The following SHTN1 variants were observed in gnomAD, a reference collection of about 807,000 sequenced individuals.
SHTN1 encodes the protein shootin-1.
A neutral mutation model predicts 83.1 loss-of-function variants in SHTN1; 42 were observed. That is an observed-to-expected ratio of 0.51 (90% confidence interval 0.39 to 0.65). SHTN1 has a LOEUF of 0.65. Among genes scored for constraint, SHTN1 ranks in the 30% least tolerant of loss-of-function variants. The probability of loss-of-function intolerance (pLI) is 0.00; values close to 1 mark genes in which losing one functional copy is unlikely to be tolerated. For synonymous variants in SHTN1, 224 were observed against 247.7 expected, an observed-to-expected ratio of 0.90 and a Z score of 0.90; for missense variants, 622 against 737.8, an observed-to-expected ratio of 0.84 and a Z score of 1.82.
chr10:117,119,445 G>A (rs1490119983), intron 1 of SHTN1, among the ~76,000 whole-genome samples: 1 of 152,168 alleles, frequency 6.6e-6, no homozygotes, highest in African/African-American at 2.4e-5. Flanking sequence ...ATGAAAAGGT[G>A]CTCAACATCA....
chr10:116,991,864 G>A (rs534073812), intron 1 of SHTN1, among the ~76,000 whole-genome samples: 6 of 152,264 alleles, frequency 3.9e-5, no homozygotes, highest in East Asian at 1.9e-4. Context: ...ACTGCAGGCC[G>A]GGCACTATGG....
chr10:117,076,820 T>C (rs1853163408), intron 1 of SHTN1, among the ~76,000 whole-genome samples: 1 of 152,242 alleles, frequency 6.6e-6, no homozygotes, highest in Non-Finnish European at 1.5e-5. Flanking sequence ...CCTCTGAATT[T>C]ACACATTATC....
At chr10:117,092,974 G>A (rs1043173339) in intron 1 of SHTN1, among the ~76,000 whole-genome samples, 1 of 152,048 alleles carries the variant, frequency 6.6e-6, no homozygotes, top group Non-Finnish European at 1.5e-5. Flanking sequence ...AATTCTAAGG[G>A]CTTCACAATA....
At chr10:116,949,868 A>T (rs7074047) in intron 6 of SHTN1, among the ~76,000 whole-genome samples, 86,868 of 151,346 alleles carry the variant, frequency 0.57, 28,854 homozygotes, top group Middle Eastern at 0.75. Context: ...AAGTTTTTTT[A>T]AAAAAAAAGA....
At chr10:116,987,712 C>G (rs908289808) in intron 1 of SHTN1, among the ~76,000 whole-genome samples, 1 of 151,906 alleles carries the variant, frequency 6.6e-6, no homozygotes, top group East Asian at 1.9e-4. Flanking sequence ...GTCAGGAGAT[C>G]GAGACCATCA....
At chr10:117,089,750 C>CA (rs1175587836) in intron 1 of SHTN1, among the ~76,000 whole-genome samples, 1 of 151,778 alleles carries the variant, frequency 6.6e-6, no homozygotes, top group Non-Finnish European at 1.5e-5. Context: ...ACCACAGAAA[C>CA]AAACAAGCTG....
chr10:116,975,207 C>A (rs548044893), intron 2 of SHTN1, among the ~76,000 whole-genome samples: 1 of 152,206 alleles, frequency 6.6e-6, no homozygotes, highest in Non-Finnish European at 1.5e-5. Flanking sequence ...TGCTTATACT[C>A]TAATATTTTG....
At chr10:117,044,954 T>A (rs1852639834) in intron 2 of SHTN1, among the ~76,000 whole-genome samples, 2 of 152,212 alleles carry the variant, frequency 1.3e-5, no homozygotes, top group African/African-American at 4.8e-5. Context: ...GTTTAATATG[T>A]GCATATATAT....
intron 1 of SHTN1, among the ~76,000 whole-genome samples, chr10:116,984,552 C>T (rs1027535711): frequency 3.3e-5 from 5 of 152,124 alleles, no homozygotes; most frequent in Admixed American, 2.0e-4. Flanking sequence ...CTACCTAGTC[C>T]TCAAGCTACT....
chr10:117,077,459 T>G (rs1853177160), intron 1 of SHTN1, among the ~76,000 whole-genome samples: 1 of 152,128 alleles, frequency 6.6e-6, no homozygotes, highest in Admixed American at 6.5e-5. Context: ...AAAATCTTTT[T>G]TTTTTATTAG....
At chr10:117,041,491 T>C (rs1387357473) in intron 2 of SHTN1, among the ~76,000 whole-genome samples, 1 of 152,150 alleles carries the variant, frequency 6.6e-6, no homozygotes, top group Admixed American at 6.6e-5. Flanking sequence ...ACCTGCAACA[T>C]GTGTTTTCTT....
intron 8 of SHTN1, among the ~76,000 whole-genome samples, chr10:116,942,101 T>A (rs1419028941): frequency 6.6e-6 from 1 of 152,204 alleles, no homozygotes; most frequent in African/African-American, 2.4e-5. Flanking sequence ...AAGGGTGAGA[T>A]GCAGCTTCAG....
At position 116,967,918 on chromosome 10, in the gene SHTN1, T is replaced by G. The variant is rs183580547; in HGVS notation, c.172+734A>C. ...TGATGTACAGGCTGGGCGCAGTGGC[T>G]CCCGCCTGTAATTCCAGCACTTCGG... On this transcript the variant is annotated intron_variant, in intron 3 of 16. Transcript: ENST00000355371. Among the ~76,000 whole-genome samples the G allele has an allele frequency of 5.5e-3, 836 of 152,256 alleles. 6 individuals carry two copies. Among genetic ancestry groups the G allele is most frequent in the African/African-American group, 0.019 (772 of 41,552 alleles).
chr10:117,121,499 A>G (rs1853926415), intron 1 of SHTN1, among the ~76,000 whole-genome samples: 1 of 151,176 alleles, frequency 6.6e-6, no homozygotes, highest in African/African-American at 2.4e-5. Context: ...GAATTGCTTG[A>G]GCCCCAGAGA....
intron 9 of SHTN1, among the ~76,000 whole-genome samples, chr10:116,933,808 T>C (rs1186460943): frequency 1.3e-5 from 2 of 152,224 alleles, no homozygotes; most frequent in Non-Finnish European, 2.9e-5. Flanking sequence ...TTCCTATTTC[T>C]CCACATCTTC....
intron 1 of SHTN1, among the ~76,000 whole-genome samples, chr10:117,086,280 G>A (rs969684653): frequency 6.6e-6 from 1 of 152,286 alleles, no homozygotes; most frequent in Admixed American, 6.5e-5. Context: ...TTGACTAGTA[G>A]AGCACAGCAT....
intron 1 of SHTN1, among the ~76,000 whole-genome samples, chr10:117,004,511 T>A (rs984655415): frequency 2.3e-4 from 35 of 151,752 alleles, no homozygotes; most frequent in Admixed American, 3.9e-4. Context: ...AAAAAAAAAA[T>A]TATGGCCTGA....
chr10:116,938,127 G>A (rs933941528), intron 9 of SHTN1, among the ~76,000 whole-genome samples: 2 of 151,938 alleles, frequency 1.3e-5, no homozygotes, highest in South Asian at 4.2e-4. Context: ...TTAACTCGGA[G>A]GAGTTTGTTA....
intron 1 of SHTN1, among the ~76,000 whole-genome samples, chr10:117,096,259 A>T (rs1436353399): frequency 6.6e-6 from 1 of 152,246 alleles, no homozygotes; most frequent in Admixed American, 6.5e-5. Context: ...TTAAAAAACA[A>T]ACAAACTTTG....
Sources: allele counts gnomAD v4.1 joint callset (sites outside exome capture counted in the v4.1 genomes callset), GRCh38; gene constraint gnomAD v4.1.1; transcripts MANE v1.5; gene names NCBI Gene and HGNC (gene_info 2026-07-23, HGNC 2026-07-21).